MACROD2: variants seen among roughly 807,000 people sequenced by gnomAD.
MACROD2 encodes ADP-ribose glycohydrolase MACROD2.
MACROD2 carries 36 observed loss-of-function variants against 70.4 expected under a neutral mutation model. The observed-to-expected ratio is 0.51, with a 90% CI of 0.39 to 0.68. The LOEUF (loss-of-function observed/expected upper bound fraction) is 0.68. Among genes scored for constraint, MACROD2 ranks in the 30% least tolerant of loss-of-function variants. The probability of loss-of-function intolerance (pLI) is 0.00; values close to 1 mark genes in which losing one functional copy is unlikely to be tolerated. For missense variants in MACROD2, 496 were observed against 538.4 expected, an observed-to-expected ratio of 0.92 and a Z score of 0.78; for synonymous variants, 172 against 178.8, an observed-to-expected ratio of 0.96 and a Z score of 0.30.
intron 2 of MACROD2, among the ~76,000 whole-genome samples, chr20:14,009,347 CAT>C (rs764492074): frequency 3.3e-5 from 5 of 152,256 alleles, no homozygotes; most frequent in African/African-American, 1.2e-4. Context: ...GGCCAACAAA[CAT>C]ATGACAAAAA....
At chr20:15,117,872 G>T (rs1321101181) in intron 5 of MACROD2, among the ~76,000 whole-genome samples, 1 of 152,102 alleles carries the variant, frequency 6.6e-6, no homozygotes, top group Non-Finnish European at 1.5e-5. Context: ...TTGCTTTGTA[G>T]CCCTTTGCTC....
chr20:15,861,850 T>C (rs2064428782), intron 8 of MACROD2, among the ~76,000 whole-genome samples: 1 of 152,174 alleles, frequency 6.6e-6, no homozygotes, highest in African/African-American at 2.4e-5. Flanking sequence ...CATTTCCTAC[T>C]GCCACGAGAA....
intron 3 of MACROD2, among the ~76,000 whole-genome samples, chr20:14,176,938 C>G (rs2081267432): frequency 6.6e-6 from 1 of 152,094 alleles, no homozygotes; most frequent in Admixed American, 6.5e-5. Flanking sequence ...CCTGTTGAAA[C>G]AAAGATCAAA....
intron 3 of MACROD2, among the ~76,000 whole-genome samples, chr20:14,198,104 C>G (rs905220927): frequency 6.6e-6 from 1 of 151,460 alleles, no homozygotes; most frequent in Admixed American, 6.6e-5. Context: ...AACTTTATTG[C>G]AGGCTGGAGG....
At chr20:15,537,502 G>A (rs1204911899) in intron 8 of MACROD2, among the ~76,000 whole-genome samples, 1 of 129,922 alleles carries the variant, frequency 7.7e-6, no homozygotes, top group Non-Finnish European at 1.6e-5. Flanking sequence ...GAGAGGGAGT[G>A]TCACTCTGTT....
intron 6 of MACROD2, among the ~76,000 whole-genome samples, chr20:15,257,770 T>C (rs980898694): frequency 6.6e-6 from 1 of 152,108 alleles, no homozygotes; most frequent in African/African-American, 2.4e-5. Flanking sequence ...TTGCTATACT[T>C]CTTATCACTA....
intron 5 of MACROD2, among the ~76,000 whole-genome samples, chr20:14,944,283 G>A (rs77349641): frequency 1.3e-5 from 2 of 152,212 alleles, no homozygotes; most frequent in South Asian, 2.1e-4. Flanking sequence ...AAAACTGGGC[G>A]TGCAACCCAG....
At chr20:14,683,245 TTAAGA>T (rs1449756245) in intron 4 of MACROD2, among the ~76,000 whole-genome samples, 1 of 152,182 alleles carries the variant, frequency 6.6e-6, no homozygotes, top group Non-Finnish European at 1.5e-5. Context: ...TTTAGAGTAC[TTAAGA>T]TAACTACCAC....
chr20:14,154,637 C>A (rs1303871566), intron 3 of MACROD2, among the ~76,000 whole-genome samples: 1 of 147,274 alleles, frequency 6.8e-6, no homozygotes, highest in African/African-American at 2.5e-5. Context: ...TGGTCTCGAC[C>A]TCTTGACCTC....
intron 8 of MACROD2, among the ~76,000 whole-genome samples, chr20:15,785,148 T>C (rs896866523): frequency 9.3e-6 from 1 of 106,972 alleles, no homozygotes; most frequent in African/African-American, 4.3e-5. Flanking sequence ...CGAGACTCCG[T>C]CTCAAAAAAA....
chr20:14,504,016 G>A (rs1349663587), intron 4 of MACROD2, among the ~76,000 whole-genome samples: 1 of 152,170 alleles, frequency 6.6e-6, no homozygotes. Context: ...GGATGGTTGG[G>A]CACTATCCCT....
chr20:14,987,682 A>G lies in MACROD2; in HGVS notation c.419-242258A>G, dbSNP rs1156260972. ...GGAACAAAAAATTACTTTACTCTGT[A>G]GACACATTTCATAGTTTTTGTGCAA... On this transcript the variant is annotated intron_variant, in intron 5 of 17. Coordinates refer to ENST00000684519, the MANE Select transcript of MACROD2 (RefSeq NM_001351661.2). Among the ~76,000 whole-genome samples the G allele has an allele frequency of 3.3e-5, 5 of 152,194 alleles. No individual in the cohort carries two copies. In the South Asian group the frequency reaches 1.0e-3, roughly 31 times the overall value.
chr20:15,521,766 A>C (rs59604755), intron 8 of MACROD2, among the ~76,000 whole-genome samples: 2,429 of 152,354 alleles, frequency 0.016, 65 homozygotes, highest in African/African-American at 0.055. Context: ...ATTTTAAAGA[A>C]GCTAACACAG....
At chr20:13,996,659 A>G (rs908174712) in intron 1 of MACROD2, among the ~76,000 whole-genome samples, 1 of 152,180 alleles carries the variant, frequency 6.6e-6, no homozygotes. Context: ...TCTCCCACCA[A>G]GATCTCCCGC....
intron 8 of MACROD2, among the ~76,000 whole-genome samples, chr20:15,762,718 G>A (rs1358839763): frequency 1.3e-5 from 2 of 152,212 alleles, no homozygotes; most frequent in East Asian, 3.8e-4. Context: ...CAGGAGAGGG[G>A]TGAGGGACAT....
At position 15,104,524 on chromosome 20, in the gene MACROD2, A is replaced by G. The variant is rs75515628; in HGVS notation, c.419-125416A>G. Reference sequence around the variant, plus strand: ...ATGGAATGGAAAGAAGATTGCCATCAAGGGCATACAAAATGACTGTGTTTG... The same window carrying G: ...ATGGAATGGAAAGAAGATTGCCATCGAGGGCATACAAAATGACTGTGTTTG... On this transcript the variant is annotated intron_variant, in intron 5 of 17. Transcript: ENST00000684519. Among the ~76,000 whole-genome samples, 154 of 152,328 alleles carry G rather than the reference A, an allele frequency of 1.0e-3. 1 individual carries two copies. The highest frequency in any genetic ancestry group is 3.2e-3 in the African/African-American group (132 of 41,584).
intron 2 of MACROD2, among the ~76,000 whole-genome samples, chr20:14,071,252 G>GCTTT: frequency 1.6e-5 from 1 of 63,936 alleles, no homozygotes; most frequent in Non-Finnish European, 2.9e-5. Context: ...TTCATCTTGT[G>GCTTT]TTTTTTTTTT....
intron 3 of MACROD2, among the ~76,000 whole-genome samples, chr20:14,219,105 C>T (rs2081648119): frequency 6.6e-6 from 1 of 152,116 alleles, no homozygotes; most frequent in Non-Finnish European, 1.5e-5. Flanking sequence ...AGAAGTTTTC[C>T]TTGATTATTC....
chr20:14,994,335 C>A (rs1260662589), intron 5 of MACROD2, among the ~76,000 whole-genome samples: 2 of 151,998 alleles, frequency 1.3e-5, no homozygotes, highest in African/African-American at 4.8e-5. Context: ...AGGGATGTAA[C>A]CACTATCAAA....
Sources: gnomAD v4.1 joint callset for allele counts (sites outside exome capture counted in the v4.1 genomes callset) on GRCh38, gnomAD v4.1.1 for gene constraint, MANE v1.5 for transcripts, NCBI Gene and HGNC (gene_info 2026-07-23, HGNC 2026-07-21) for gene names.